The following TCF7 variants were observed in gnomAD, a reference collection of about 807,000 sequenced individuals.
TCF7 encodes transcription factor 7.
In TCF7, 19 loss-of-function variants were observed where a neutral mutation model predicts 46.8. The ratio of observed to expected loss-of-function variants is 0.41; its 90% CI spans 0.28 to 0.60. The LOEUF (loss-of-function observed/expected upper bound fraction) is 0.60. Ranked by LOEUF, TCF7 falls within the 20% of genes least tolerant of loss-of-function variation. TCF7 has a pLI of 0.35. For synonymous variants in TCF7, 245 were observed against 213.4 expected (o/e 1.15, Z -1.29); for missense variants, 547 against 504.6 (o/e 1.08, Z -0.81).
At chr5:134,133,503 C>T (rs548490133) in intron 3 of TCF7, among the ~76,000 whole-genome samples, 5 of 152,260 alleles carry the variant, frequency 3.3e-5, no homozygotes, top group Admixed American at 2.0e-4. Context: ...GGCAGCCTGG[C>T]CCTGAGACAG....
intron 8 of TCF7, 188 bp downstream of exon 8, chr5:134,143,288 C>G: frequency 1.3e-6 from 1 of 756,236 alleles, no homozygotes; most frequent in Non-Finnish European, 2.3e-6. Context: ...TTCTCCACTC[C>G]AGAATATGCT....
intron 3 of TCF7, among the ~76,000 whole-genome samples, chr5:134,116,345 C>G (rs1045885340): frequency 6.6e-6 from 1 of 152,188 alleles, no homozygotes; most frequent in Non-Finnish European, 1.5e-5. Flanking sequence ...ACTTTTGAGC[C>G]GAGACCACCC....
rs569532506 is a variant in TCF7 at position 134,115,538 on chromosome 5, T to C, written c.316+151T>C. The C allele has an allele frequency of 1.1e-5, 16 of 1,441,808 alleles. No individual in the cohort carries two copies. In the African/African-American group the frequency reaches 1.8e-4, roughly 16 times the overall value. 89.3% of individuals were successfully genotyped at this position (1,441,808 alleles called of 1,614,324 possible). On this transcript the variant is annotated intron_variant, in intron 2 of 9. Transcript: ENST00000342854. ...CAGGGGTGGAGAGTGGGGGGCGGGC[T>C]TCCCGGGCGCCGCCGGGTCGAGTCA...
chr5:134,145,248 T>C (rs1760519718), intron 9 of TCF7: 1 of 549,150 alleles, frequency 1.8e-6, no homozygotes, highest in African/African-American at 1.9e-5. Context: ...GCTCCCTCAC[T>C]TCCTCTTCAA....
intron 5 of TCF7, chr5:134,141,225 A>T (rs1187645078): frequency 1.3e-5 from 2 of 158,828 alleles, no homozygotes; most frequent in Non-Finnish European, 2.8e-5. Flanking sequence ...AGCTTTGCCC[A>T]AGCTGAGACA....
At chr5:134,138,578 G>A (rs986587316) in intron 4 of TCF7, 38 of 281,336 alleles carry the variant, frequency 1.4e-4, no homozygotes, top group Non-Finnish European at 2.5e-4. Context: ...TCAACCCTGG[G>A]GGGCAGGTGG....
chr5:134,117,233 T>A (rs1276595163), intron 3 of TCF7, among the ~76,000 whole-genome samples: 1 of 152,232 alleles, frequency 6.6e-6, no homozygotes, highest in African/African-American at 2.4e-5. Flanking sequence ...GCTTGGTATA[T>A]GAGGTGGTTC....
rs372859795 is a variant in TCF7, at chr5:134,146,453, C to A, written c.*150C>A. The A allele has an allele frequency of 4.4e-6, 4 of 903,190 alleles. No homozygotes were observed. The highest frequency in any genetic ancestry group is 5.1e-5 in the East Asian group (2 of 39,394). The allele number at this position is 903,190 out of a possible 1,614,324, so 55.9% of individuals were successfully genotyped here. A position where few individuals can be genotyped will look rare whatever the true frequency, so the allele number is the denominator to read the frequency against. On this transcript the variant is annotated 3_prime_UTR_variant, in exon 10 of 10. Transcript: ENST00000342854. ...CAGCCTCCCAACCCCAGGGCCCCCA[C>A]AGGCCCCCCGCAGCACCCTGCAGAG...
chr5:134,139,377 A>G, intron 5 of TCF7: 1 of 259,272 alleles, frequency 3.9e-6, no homozygotes, highest in Non-Finnish European at 7.5e-6. Context: ...TGAGTAACTG[A>G]GGAAGAAAGG....
intron 3 of TCF7, among the ~76,000 whole-genome samples, chr5:134,132,429 G>C (rs1440568540): frequency 6.6e-6 from 1 of 152,164 alleles, no homozygotes; most frequent in African/African-American, 2.4e-5. Context: ...TGATCTCTTG[G>C]GGGGCTGTTT....
chr5:134,118,554 A>G (rs372041119), intron 3 of TCF7, among the ~76,000 whole-genome samples: 1 of 152,174 alleles, frequency 6.6e-6, no homozygotes, highest in Non-Finnish European at 1.5e-5. Context: ...GCCCGGAGCA[A>G]TAGGCTGAAT....
intron 2 of TCF7, 167 bp from the exon 3 acceptor site, chr5:134,115,742 G>A: frequency 1.4e-6 from 2 of 1,449,788 alleles, no homozygotes; most frequent in Non-Finnish European, 9.1e-7. Context: ...CTGCCCTCCA[G>A]GTCCTTCCCC....
Position 134,142,793 on chromosome 5 carries a change from C to T in TCF7, c.828C>T (p.Phe276=), listed in dbSNP as rs1760047177. 1 of 1,614,174 alleles carries T rather than the reference C, an allele frequency of 6.2e-7. No individual in the cohort carries two copies. Among genetic ancestry groups the T allele is most frequent in the Non-Finnish European group, 8.5e-7 (1 of 1,180,014 alleles). Residue 276 remains phenylalanine (F), a synonymous_variant, in exon 7 of 10, where the codon TTC becomes TTT. Coordinates refer to ENST00000342854, the MANE Select transcript of TCF7 (RefSeq NM_003202.5). The part of the protein sequence containing the change: ...KPTIKKPLNA[F]MLYMKEMRAK... ...CCATCAAGAAGCCCCTCAATGCCTT[C>T]ATGCTGTACATGAAGGAGATGAGAG...
intron 5 of TCF7, chr5:134,140,589 A>G (rs1759592699): frequency 2.9e-6 from 1 of 341,484 alleles, no homozygotes; most frequent in Admixed American, 4.1e-5. Flanking sequence ...GTCCCAGGAG[A>G]AGGATACCAT....
chr5:134,110,324 C>T (rs983418904), upstream of TCF7, among the ~76,000 whole-genome samples: 3 of 152,186 alleles, frequency 2.0e-5, no homozygotes, highest in South Asian at 6.2e-4. Flanking sequence ...GGAGAACCCA[C>T]AGAAGAGTCC....
At chr5:134,126,333 C>A (rs1757341093) in intron 3 of TCF7, among the ~76,000 whole-genome samples, 1 of 152,162 alleles carries the variant, frequency 6.6e-6, no homozygotes, top group African/African-American at 2.4e-5. Context: ...GACAGATGAA[C>A]CTGGGAGAGC....
At chr5:134,142,048 A>T in intron 5 of TCF7, 137 bp from the exon 6 acceptor site, 1 of 1,223,712 alleles carries the variant, frequency 8.2e-7, no homozygotes, top group Non-Finnish European at 1.1e-6. Context: ...CTGTGTACTT[A>T]TGTCTAGGCC....
chr5:134,134,171 C>T (rs1273270235), intron 3 of TCF7, among the ~76,000 whole-genome samples: 2 of 152,264 alleles, frequency 1.3e-5, no homozygotes, highest in Admixed American at 1.3e-4. Flanking sequence ...GCTCTCACTA[C>T]CTTGGGGCAG....
At chr5:134,143,707 C>G in intron 9 of TCF7, 67 bp downstream of exon 9, 1 of 1,595,450 alleles carries the variant, frequency 6.3e-7, no homozygotes. Context: ...CAGCCCTCCT[C>G]TGACCCAAAG....
Sources: allele counts gnomAD v4.1 joint callset (sites outside exome capture counted in the v4.1 genomes callset), GRCh38; gene constraint gnomAD v4.1.1; transcripts MANE v1.5; gene names NCBI Gene and HGNC (gene_info 2026-07-23, HGNC 2026-07-21).